GABRA5: variants seen among roughly 807,000 people sequenced by gnomAD.
GABRA5 encodes the protein gamma-aminobutyric acid receptor subunit alpha-5.
In GABRA5, 18 loss-of-function variants were observed where a neutral mutation model predicts 47.3. That is an observed-to-expected ratio of 0.38 (90% CI 0.26 to 0.56). The LOEUF (loss-of-function observed/expected upper bound fraction) is 0.56, where lower values mean the gene tolerates loss of function less well. Among genes scored for constraint, GABRA5 ranks in the 20% least tolerant of loss-of-function variants. The pLI is 0.71. For missense variants in GABRA5, 365 were observed against 599.3 expected (o/e 0.61, Z 4.08); for synonymous variants, 237 against 229.3 (o/e 1.03, Z -0.30).
chr15:26,883,469 A>C lies in GABRA5; in HGVS notation c.409A>C (p.Asn137His). 6.2e-7 allele frequency: 1 copy of C among 1,614,048 alleles called. No homozygotes were observed. The highest frequency in any genetic ancestry group is 8.5e-7 in the Non-Finnish European group (1 of 1,179,970). ...CTGGACCCCAGACACGTTCTTCCAC[A>C]ACGGGAAGAAGTCCATCGCTCACAA... ...KIWTPDTFFH[N>H]GKKSIAHNMT... is the part of the protein sequence containing the mutation. Residue 137 changes from asparagine (N) to histidine (H), a missense_variant, in exon 6 of 11, where the codon AAC (asparagine) becomes CAC (histidine). By Grantham distance (68) the Asn-to-His change is moderately conservative. Transcript: ENST00000335625. This position sits in a 1 kb window ranked among gnomAD's most constrained non-coding sequence, Gnocchi z 4.8.
intron 6 of GABRA5, among the ~76,000 whole-genome samples, chr15:26,905,984 G>A (rs947635071): frequency 6.6e-6 from 1 of 151,926 alleles, no homozygotes; most frequent in Non-Finnish European, 1.5e-5. Flanking sequence ...TGTGTCCTCA[G>A]AGACAGTTTT....
chr15:26,877,558 C>T (rs1186504849), intron 3 of GABRA5: 2 of 384,754 alleles, frequency 5.2e-6, no homozygotes, highest in Non-Finnish European at 1.0e-5. Context: ...TTATCGAACT[C>T]ACTGTATGTA....
Position 26,869,327 on chromosome 15 carries a change from C to G in GABRA5, c.79C>G (p.His27Asp). The change falls in exon 3 of 11, where the codon CAC (histidine) becomes GAC (aspartate). Residue 27 changes from histidine (H) to aspartate (D), a missense_variant. Physicochemically the swap from His to Asp is moderately conservative, Grantham distance 81. This residue lies in a region of GABRA5 where 216 missense variants were observed against 335.3 expected (regional missense o/e 0.64). Transcript: ENST00000335625. The stretch of plus-strand genomic sequence containing the variant: ...TTGTATTTCCATGAACTTATCCAGT[C>G]ACTTTGGGTAAGTTACCATCTGTGC... ...LFCISMNLSS[H>D]FGFSQMPTSS... The G allele has an allele frequency of 2.5e-6, 4 of 1,590,278 alleles. No homozygotes were observed. The highest frequency in any genetic ancestry group is 3.5e-6 in the Non-Finnish European group (4 of 1,158,356).
At chr15:26,893,944 G>A (rs1036144999) in intron 6 of GABRA5, among the ~76,000 whole-genome samples, 3 of 152,100 alleles carry the variant, frequency 2.0e-5, no homozygotes, top group Non-Finnish European at 4.4e-5. Flanking sequence ...AAAGGTGGCC[G>A]GGGACAGATT....
chr15:26,868,941 G>A (rs1268890835), intron 2 of GABRA5, 148 bp downstream of exon 2: 1 of 292,972 alleles, frequency 3.4e-6, no homozygotes, highest in Non-Finnish European at 6.5e-6. Context: ...CAACGAATTA[G>A]GGTGATTCTG....
chr15:26,948,448 C>T lies in GABRA5; in HGVS notation c.*215C>T, dbSNP rs921398344. ...ATTGATAATTCGAGCAAACAACTTT[C>T]TGGAAAAACAGGATACGATGACTGA... On this transcript the variant is annotated 3_prime_UTR_variant, in exon 11 of 11. Coordinates refer to ENST00000335625, the MANE Select transcript of GABRA5 (RefSeq NM_000810.4). 1.2e-5 allele frequency: 7 copies of T among 563,040 alleles called. No individual in the cohort carries two copies. The Admixed American group carries it at 1.6e-4, about 13-fold the overall frequency. 34.9% of individuals were successfully genotyped at this position (563,040 alleles called of 1,614,324 possible).
Position 26,937,354 on chromosome 15 carries a change from G to T in GABRA5, c.724+26G>T, listed in dbSNP as rs781495330. 3 of 1,578,536 alleles carry T rather than the reference G, an allele frequency of 1.9e-6. No homozygotes were observed. In the Admixed American group the frequency reaches 5.3e-5, roughly 28 times the overall value. The stretch of plus-strand genomic sequence containing the variant: ...GTGAGGGCTCGGCACGCGCTGTGCT[G>T]CCAGGCGCACTCAGGACACCACACC... On this transcript the variant is annotated intron_variant, in intron 8 of 10. Transcript: ENST00000335625.
At chr15:26,890,096 TA>T (rs1224580387) in intron 6 of GABRA5, among the ~76,000 whole-genome samples, 5 of 152,304 alleles carry the variant, frequency 3.3e-5, no homozygotes, top group African/African-American at 1.2e-4. Flanking sequence ...ATGATTTCTG[TA>T]AAAAAATTCA....
intron 6 of GABRA5, among the ~76,000 whole-genome samples, chr15:26,901,926 T>C (rs1893337008): frequency 6.6e-6 from 1 of 152,094 alleles, no homozygotes; most frequent in African/African-American, 2.4e-5. Flanking sequence ...CAGTCTGTGG[T>C]CTTTTGCTCC....
At chr15:26,895,754 A>C (rs1181479292) in intron 6 of GABRA5, among the ~76,000 whole-genome samples, 1 of 150,722 alleles carries the variant, frequency 6.6e-6, no homozygotes, top group Non-Finnish European at 1.5e-5. Flanking sequence ...CGGAGGTTGC[A>C]GAGAGCCAAG....
At chr15:26,927,464 T>G (rs1893989197) in intron 7 of GABRA5, among the ~76,000 whole-genome samples, 1 of 152,148 alleles carries the variant, frequency 6.6e-6, no homozygotes, top group South Asian at 2.1e-4. Flanking sequence ...TGATCATTCA[T>G]TTATATTTAC....
chr15:26,893,588 C>A (rs1482742891), intron 6 of GABRA5, among the ~76,000 whole-genome samples: 8 of 151,920 alleles, frequency 5.3e-5, no homozygotes, highest in Admixed American at 5.2e-4. Context: ...CTTCCTCTGC[C>A]TCGTGTCCTT....
At chr15:26,882,146 C>T (rs553102071) in intron 4 of GABRA5, among the ~76,000 whole-genome samples, 2 of 152,330 alleles carry the variant, frequency 1.3e-5, no homozygotes, top group Admixed American at 6.5e-5. Flanking sequence ...GTCCCTTGAA[C>T]ACACTCAGAA....
intron 6 of GABRA5, among the ~76,000 whole-genome samples, chr15:26,897,724 C>T (rs1040050987): frequency 1.1e-4 from 16 of 152,112 alleles, no homozygotes; most frequent in African/African-American, 2.9e-4. Context: ...AGATGCCTCT[C>T]GTTACTTTCC....
At chr15:26,939,236 C>G in intron 8 of GABRA5, 1 of 765,262 alleles carries the variant, frequency 1.3e-6, no homozygotes, top group Non-Finnish European at 2.4e-6. Flanking sequence ...CAGCTCCTTA[C>G]CAGTTCACCG....
intron 9 of GABRA5, 131 bp from the exon 10 acceptor site, chr15:26,943,084 A>C: frequency 1.5e-6 from 1 of 667,294 alleles, no homozygotes; most frequent in South Asian, 2.1e-5. Context: ...ACTCTGTCTC[A>C]AAATAAAAAT....
chr15:26,874,157 A>G (rs929722290), intron 3 of GABRA5, among the ~76,000 whole-genome samples: 1 of 152,176 alleles, frequency 6.6e-6, no homozygotes, highest in African/African-American at 2.4e-5. Flanking sequence ...TAAGATGCTC[A>G]TTTTAATTAA....
chr15:26,882,966 T>G (rs1892770319), intron 4 of GABRA5, among the ~76,000 whole-genome samples, 200 bp from the exon 5 acceptor site: 1 of 152,176 alleles, frequency 6.6e-6, no homozygotes, highest in Non-Finnish European at 1.5e-5. Flanking sequence ...GTGTTCTGTA[T>G]GATGGGAATT....
At chr15:26,891,112 G>A (rs549559567) in intron 6 of GABRA5, among the ~76,000 whole-genome samples, 1 of 152,314 alleles carries the variant, frequency 6.6e-6, no homozygotes, top group East Asian at 1.9e-4. Context: ...CCATCAGTCT[G>A]CAGCCACTGC....
Sources: allele counts gnomAD v4.1 joint callset (sites outside exome capture counted in the v4.1 genomes callset), GRCh38; gene constraint gnomAD v4.1.1; regional missense constraint gnomAD v4.1.1; non-coding constraint Gnocchi (gnomAD v3.1); transcripts MANE v1.5; gene names NCBI Gene and HGNC (gene_info 2026-07-23, HGNC 2026-07-21).